SV2C: variants seen among roughly 807,000 people sequenced by gnomAD.
SV2C encodes synaptic vesicle glycoprotein 2C.
A neutral mutation model predicts 79.7 loss-of-function variants in SV2C; 49 were observed. The observed-to-expected ratio is 0.61, with a 90% CI of 0.49 to 0.78. The LOEUF (loss-of-function observed/expected upper bound fraction) is 0.78, where lower values mean the gene tolerates loss of function less well. Ranked by LOEUF, SV2C falls within the 30% of genes least tolerant of loss-of-function variation. The pLI is 0.00. For missense variants in SV2C, 833 were observed against 912.9 expected, an observed-to-expected ratio of 0.91 and a Z score of 1.13; for synonymous variants, 334 against 333.2, an observed-to-expected ratio of 1.00 and a Z score of -0.03.
chr5:76,307,676 G>T (rs557519479), intron 12 of SV2C, among the ~76,000 whole-genome samples: 1 of 152,058 alleles, frequency 6.6e-6, no homozygotes, highest in Admixed American at 6.6e-5. Flanking sequence ...TTATAGTTCC[G>T]CAGGTCCCTG....
intron 4 of SV2C, among the ~76,000 whole-genome samples, chr5:76,282,482 C>G (rs960795491): frequency 6.6e-6 from 1 of 152,228 alleles, no homozygotes; most frequent in African/African-American, 2.4e-5. Flanking sequence ...GAGGGCCCTT[C>G]TCGACTAGGC....
intron 2 of SV2C, among the ~76,000 whole-genome samples, chr5:76,138,135 G>A (rs1415406759): frequency 6.6e-6 from 1 of 152,182 alleles, no homozygotes; most frequent in Non-Finnish European, 1.5e-5. Flanking sequence ...ATATTTCCCA[G>A]CTGTTGTTTC....
At chr5:76,344,633 T>C (rs1749505027) in intron 12 of SV2C, among the ~76,000 whole-genome samples, 1 of 152,090 alleles carries the variant, frequency 6.6e-6, no homozygotes, top group African/African-American at 2.4e-5. Context: ...CGCTTGAACC[T>C]GGGAGGCGGA....
the SV2C span, among the ~76,000 whole-genome samples, chr5:76,036,892 T>C: frequency 9.8e-5 from 15 of 152,364 alleles, no homozygotes; most frequent in Non-Finnish European, 1.6e-4. Context: ...CAATCAGACG[T>C]AGATTTGGTC....
the SV2C span, among the ~76,000 whole-genome samples, chr5:75,901,475 T>C: frequency 4.6e-5 from 7 of 152,296 alleles, no homozygotes; most frequent in East Asian, 1.4e-3. Flanking sequence ...CCCGGCCGTG[T>C]GAGGTGTCAG....
At chr5:76,292,508 C>T (rs1747601307) in intron 8 of SV2C, among the ~76,000 whole-genome samples, 1 of 152,096 alleles carries the variant, frequency 6.6e-6, no homozygotes, top group Non-Finnish European at 1.5e-5. Context: ...GAGTGTGGTG[C>T]CATCCACCTA....
At chr5:75,982,534 C>T in the SV2C span, among the ~76,000 whole-genome samples, 1 of 152,096 alleles carries the variant, frequency 6.6e-6, no homozygotes, top group Non-Finnish European at 1.5e-5. Context: ...ATTAGTTTAG[C>T]CATTGTGGAA....
At chr5:76,306,712 G>A (rs140090715) in intron 12 of SV2C, among the ~76,000 whole-genome samples, 146 of 152,210 alleles carry the variant, frequency 9.6e-4, no homozygotes, top group Middle Eastern at 3.4e-3. Context: ...GGCAGGAGGG[G>A]GTTGAAACAG....
chr5:76,252,883 A>G (rs1431278934), intron 4 of SV2C, among the ~76,000 whole-genome samples: 1 of 152,268 alleles, frequency 6.6e-6, no homozygotes, highest in African/African-American at 2.4e-5. Flanking sequence ...TCATCCATGG[A>G]TACATGAGCC....
chr5:76,054,083 C>T, the SV2C span, among the ~76,000 whole-genome samples: 2 of 151,864 alleles, frequency 1.3e-5, no homozygotes, highest in African/African-American at 4.8e-5. Context: ...GCCGTCAACC[C>T]GGTCATCTAG....
chr5:75,976,021 C>A, the SV2C span, among the ~76,000 whole-genome samples: 3 of 152,106 alleles, frequency 2.0e-5, no homozygotes, highest in African/African-American at 7.2e-5. Context: ...TTACTGAAAC[C>A]GTGCAGGAAT....
At chr5:76,254,688 C>T (rs1200081306) in intron 4 of SV2C, among the ~76,000 whole-genome samples, 2 of 152,220 alleles carry the variant, frequency 1.3e-5, no homozygotes, top group Non-Finnish European at 2.9e-5. Context: ...TAAATCTTCT[C>T]ATGGCTTAAT....
chr5:76,336,208 C>T (rs1224389121), downstream of SV2C, among the ~76,000 whole-genome samples: 3 of 152,038 alleles, frequency 2.0e-5, no homozygotes, highest in African/African-American at 7.2e-5. Flanking sequence ...CCTCACTTCC[C>T]AGACGGGGTG....
chr5:75,925,449 A>T, the SV2C span, among the ~76,000 whole-genome samples: 168 of 152,348 alleles, frequency 1.1e-3, 3 homozygotes, highest in African/African-American at 3.6e-3. Context: ...CCAGTACCAT[A>T]CACCATATAG....
At chr5:75,937,372 T>G in the SV2C span, among the ~76,000 whole-genome samples, 1 of 152,138 alleles carries the variant, frequency 6.6e-6, no homozygotes, top group Non-Finnish European at 1.5e-5. Flanking sequence ...CATCTTCATC[T>G]TTTTCATCAC....
chr5:76,346,134 T>A (rs922811674), intron 12 of SV2C, among the ~76,000 whole-genome samples: 1 of 152,134 alleles, frequency 6.6e-6, no homozygotes, highest in African/African-American at 2.4e-5. Context: ...TCTCCAAATG[T>A]GGAGTTGGGA....
In SV2C at chr5:76,232,949, C is replaced by A. The variant is rs1478785523; in HGVS notation, c.913+23062C>A. On this transcript the variant is annotated intron_variant, in intron 4 of 12. Transcript: ENST00000502798. The stretch of plus-strand genomic sequence containing the variant: ...TCTTTTTTGGTTCCATATGAACTTT[C>A]AAGTAGTTTTTTCCAATTCTGTGAA... Among the ~76,000 whole-genome samples the A allele has an allele frequency of 2.9e-4, 41 of 141,408 alleles. 1 individual carries two copies. Among genetic ancestry groups the A allele is most frequent in the East Asian group, 1.8e-3 (9 of 5,142 alleles). 92.8% of individuals were successfully genotyped at this position (141,408 alleles called of 152,430 possible).
the SV2C span, among the ~76,000 whole-genome samples, chr5:75,928,382 G>A: frequency 1.3e-5 from 2 of 152,104 alleles, no homozygotes; most frequent in Non-Finnish European, 2.9e-5. Flanking sequence ...CCCTGAAAAC[G>A]CCCGGGAGAT....
In SV2C at chr5:76,104,672, A is replaced by G. The variant is rs75597187; in HGVS notation, c.-102+21160A>G. ...TCTCTAGCTCCTAACCTACCTTTCT[A>G]CATTCTGTTTGCGATACTAGAGATG... On this transcript the variant is annotated intron_variant, in intron 1 of 12. Coordinates refer to ENST00000502798, the MANE Select transcript of SV2C (RefSeq NM_014979.4). Among the ~76,000 whole-genome samples, 1,402 of 152,276 alleles carry G rather than the reference A, an allele frequency of 9.2e-3. 52 individuals are homozygous for G. In the East Asian group the frequency reaches 0.13, roughly 15 times the overall value.
Sources: allele counts gnomAD v4.1 joint callset (sites outside exome capture counted in the v4.1 genomes callset), GRCh38; gene constraint gnomAD v4.1.1; transcripts MANE v1.5; gene names NCBI Gene and HGNC (gene_info 2026-07-23, HGNC 2026-07-21).